Variants in FAM53B observed in about 807,000 individuals in gnomAD.
The protein encoded by FAM53B is protein FAM53B.
In FAM53B, 12 loss-of-function variants were observed where a neutral mutation model predicts 32.7. The observed-to-expected ratio is 0.37, with a 90% CI of 0.24 to 0.59. FAM53B has a LOEUF of 0.59. FAM53B is among the 20% of genes least tolerant of loss of function. The pLI is 0.72. For synonymous variants in FAM53B, 234 were observed against 228.7 expected (o/e 1.02, Z -0.21); for missense variants, 477 against 577.7 (o/e 0.83, Z 1.79).
intron 1 of FAM53B, among the ~76,000 whole-genome samples, chr10:124,723,704 G>C (rs556978982): frequency 1.3e-5 from 2 of 152,220 alleles, no homozygotes; most frequent in South Asian, 2.1e-4. Flanking sequence ...CACTTGCAGG[G>C]CCGGCCCTGG....
chr10:124,726,974 C>T (rs1253888046), intron 1 of FAM53B, among the ~76,000 whole-genome samples: 1 of 152,102 alleles, frequency 6.6e-6, no homozygotes, highest in African/African-American at 2.4e-5. Flanking sequence ...TAAAAATTCC[C>T]TTGCAATATC....
chr10:124,664,008 C>T (rs1949650241), intron 4 of FAM53B, among the ~76,000 whole-genome samples: 1 of 152,148 alleles, frequency 6.6e-6, no homozygotes, highest in Admixed American at 6.5e-5. Context: ...CCGTGCCAGG[C>T]CCTGCGGTCA....
intron 1 of FAM53B, among the ~76,000 whole-genome samples, chr10:124,731,325 G>C (rs1950141299): frequency 6.6e-6 from 1 of 152,202 alleles, no homozygotes; most frequent in Admixed American, 6.5e-5. Context: ...ATTATTCCCA[G>C]TCCACAGATG....
chr10:124,623,827 A>G lies in FAM53B; in HGVS notation c.907-223T>C, dbSNP rs1949328623. On this transcript the variant is annotated intron_variant, in intron 4 of 4. Transcript: ENST00000337318. Reference sequence around the variant, plus strand: ...TCATAAAGACACGCGCAATTCCACTATTCACCTACTAACTCGGCAAAGCAC... The same window carrying G: ...TCATAAAGACACGCGCAATTCCACTGTTCACCTACTAACTCGGCAAAGCAC... 7.7e-6 allele frequency: 4 copies of G among 521,982 alleles called. No homozygotes were observed. In the South Asian group the frequency reaches 8.0e-5, roughly 10 times the overall value. The allele number at this position is 521,982 out of a possible 1,614,324, so 32.3% of individuals were successfully genotyped here.
chr10:124,705,276 G>A (rs550489413), intron 2 of FAM53B, among the ~76,000 whole-genome samples: 4 of 151,876 alleles, frequency 2.6e-5, no homozygotes, highest in Admixed American at 6.6e-5. Flanking sequence ...CTGAATGCAG[G>A]CCCAGGAAGT....
At chr10:124,646,363 C>G (rs1371609724) in intron 4 of FAM53B, among the ~76,000 whole-genome samples, 1 of 152,250 alleles carries the variant, frequency 6.6e-6, no homozygotes, top group African/African-American at 2.4e-5. Context: ...TGGGCTCAAA[C>G]ATCTTCCCCA....
intron 1 of FAM53B, among the ~76,000 whole-genome samples, chr10:124,723,976 C>G (rs528248006): frequency 9.2e-5 from 14 of 152,334 alleles, no homozygotes; most frequent in African/African-American, 3.4e-4. Context: ...CAGTCTCGTC[C>G]CAAGTCCAAC....
At chr10:124,723,365 T>C (rs1164601966) in intron 1 of FAM53B, among the ~76,000 whole-genome samples, 1 of 152,224 alleles carries the variant, frequency 6.6e-6, no homozygotes, top group Non-Finnish European at 1.5e-5. Flanking sequence ...GCTATCAAAA[T>C]GTTGTTAACA....
chr10:124,697,418 AG>A (rs1949880886), intron 2 of FAM53B, among the ~76,000 whole-genome samples: 1 of 152,098 alleles, frequency 6.6e-6, no homozygotes, highest in Non-Finnish European at 1.5e-5. Flanking sequence ...GGGGCTGACT[AG>A]GAACGCCTGG....
At chr10:124,689,121 G>A (rs1949818571) in intron 3 of FAM53B, among the ~76,000 whole-genome samples, 1 of 152,164 alleles carries the variant, frequency 6.6e-6, no homozygotes, top group South Asian at 2.1e-4. Flanking sequence ...CCTGTAGGTT[G>A]GGTTGTGCTA....
chr10:124,690,154 A>G (rs564881583), intron 3 of FAM53B, among the ~76,000 whole-genome samples: 20 of 152,388 alleles, frequency 1.3e-4, no homozygotes, highest in Middle Eastern at 3.4e-3. Flanking sequence ...GGCGACAGGC[A>G]GAGCTTTTCA....
chr10:124,650,306 T>C (rs1196577936), intron 4 of FAM53B, among the ~76,000 whole-genome samples: 1 of 152,140 alleles, frequency 6.6e-6, no homozygotes, highest in Non-Finnish European at 1.5e-5. Flanking sequence ...ACAGGTGTCG[T>C]CTACCCTGAA....
chr10:124,663,568 G>A (rs1949647195), intron 4 of FAM53B, among the ~76,000 whole-genome samples: 1 of 152,208 alleles, frequency 6.6e-6, no homozygotes. Flanking sequence ...TATTGAAGGA[G>A]CTCGCGATGT....
At chr10:124,665,060 T>C (rs1227336580) in intron 4 of FAM53B, among the ~76,000 whole-genome samples, 1 of 152,228 alleles carries the variant, frequency 6.6e-6, no homozygotes, top group Non-Finnish European at 1.5e-5. Context: ...CCCCAGCCAG[T>C]GGCCCTCGCT....
chr10:124,744,333 C>CAGG lies in FAM53B; in HGVS notation c.-498_-496dup, dbSNP rs1191199476. The CAGG allele has an allele frequency of 6.9e-6, 1 of 144,832 alleles. No homozygotes were observed. Among genetic ancestry groups the CAGG allele is most frequent in the East Asian group, 2.1e-4 (1 of 4,862 alleles). 9.0% of individuals were successfully genotyped at this position (144,832 alleles called of 1,614,324 possible). A position where few individuals can be genotyped will look rare whatever the true frequency, so the allele number is the denominator to read the frequency against. On this transcript the variant is annotated 5_prime_UTR_variant, in exon 1 of 5. Transcript: ENST00000337318. The stretch of plus-strand genomic sequence containing the variant: ...GGGCGCTAGGCGCGGCGGCGGCGTG[C>CAGG]AGGAGGCAGGCGGCGTGCGGCGGCG...
intron 1 of FAM53B, among the ~76,000 whole-genome samples, chr10:124,716,361 A>C (rs1340691210): frequency 6.6e-6 from 1 of 152,190 alleles, no homozygotes; most frequent in African/African-American, 2.4e-5. Flanking sequence ...AAGGGGGAAA[A>C]ACAAAACAAG....
chr10:124,690,308 T>C (rs1243835315), intron 3 of FAM53B, among the ~76,000 whole-genome samples: 1 of 152,226 alleles, frequency 6.6e-6, no homozygotes, highest in Non-Finnish European at 1.5e-5. Flanking sequence ...ATCTGACTGA[T>C]GGGGGAAACT....
At chr10:124,729,803 T>C (rs1197265358) in intron 1 of FAM53B, among the ~76,000 whole-genome samples, 1 of 152,122 alleles carries the variant, frequency 6.6e-6, no homozygotes, top group Non-Finnish European at 1.5e-5. Flanking sequence ...TGCACAAATG[T>C]GGGGGAGATG....
At chr10:124,726,928 C>G (rs966254241) in intron 1 of FAM53B, among the ~76,000 whole-genome samples, 2 of 152,182 alleles carry the variant, frequency 1.3e-5, no homozygotes, top group African/African-American at 4.8e-5. Flanking sequence ...AGCTAGGCTG[C>G]CTGTCATGAG....
Sources: allele counts gnomAD v4.1 joint callset (sites outside exome capture counted in the v4.1 genomes callset), GRCh38; gene constraint gnomAD v4.1.1; transcripts MANE v1.5; gene names NCBI Gene and HGNC (gene_info 2026-07-23, HGNC 2026-07-21).